The following COL4A5 variants were observed in gnomAD, a reference collection of about 807,000 sequenced individuals.
The protein encoded by COL4A5 is collagen alpha-5(IV) chain.
A neutral mutation model predicts 130.2 loss-of-function variants in COL4A5; 26 were observed. The observed-to-expected ratio is 0.20, with a 90% CI of 0.15 to 0.28. COL4A5 has a LOEUF of 0.28. Among genes scored for constraint, COL4A5 ranks in the 10% least tolerant of loss-of-function variants. The pLI, the probability that COL4A5 is intolerant of heterozygous loss-of-function variation, is 1.00. For missense variants in COL4A5, 1,131 were observed against 1,344.3 expected (o/e 0.84, Z 2.48); for synonymous variants, 496 against 439.6 (o/e 1.13, Z -1.60).
chrX:108,443,967 TA>T (rs905784179), intron 1 of COL4A5, among the ~76,000 whole-genome samples: 1 of 112,277 alleles, frequency 8.9e-6, no homozygotes, highest in Non-Finnish European at 1.9e-5. Flanking sequence ...TATACTGTAA[TA>T]AAAAACTTTC....
chrX:108,649,876 C>A (rs57954628), intron 36 of COL4A5, among the ~76,000 whole-genome samples: 11,559 of 110,718 alleles, frequency 0.1, 1,308 homozygotes, highest in African/African-American at 0.34. Context: ...AGAGCCCAAA[C>A]ACAAATGCAA....
At chrX:108,531,730 A>G (rs940470370) in intron 1 of COL4A5, among the ~76,000 whole-genome samples, 2 of 111,426 alleles carry the variant, frequency 1.8e-5, no homozygotes, top group Non-Finnish European at 3.8e-5. Flanking sequence ...AAAGACCCAA[A>G]TAAAATCAGA....
chrX:108,672,993 A>G (rs2068234131), intron 42 of COL4A5, among the ~76,000 whole-genome samples: 1 of 112,402 alleles, frequency 8.9e-6, no homozygotes, highest in Non-Finnish European at 1.9e-5. Flanking sequence ...ATTTCAAAGT[A>G]TCAAATGCTT....
At chrX:108,467,052 TC>T (rs1019523130) in intron 1 of COL4A5, among the ~76,000 whole-genome samples, 1 of 112,268 alleles carries the variant, frequency 8.9e-6, no homozygotes, top group Non-Finnish European at 1.9e-5. Flanking sequence ...TTGTTTTTTT[TC>T]CTTTCTTGCT....
chrX:108,503,207 C>T (rs982142683), intron 1 of COL4A5, among the ~76,000 whole-genome samples: 9 of 111,675 alleles, frequency 8.1e-5, no homozygotes, highest in East Asian at 2.8e-4. Context: ...AATGGGTACT[C>T]GTCTTTCTTT....
At chrX:108,640,171 A>G (rs2067434288) in intron 36 of COL4A5, among the ~76,000 whole-genome samples, 1 of 112,394 alleles carries the variant, frequency 8.9e-6, no homozygotes, top group African/African-American at 3.2e-5. Context: ...GTGTAATAAA[A>G]TGTGGTATGC....
chrX:108,615,068 T>C, intron 30 of COL4A5, 44 bp downstream of exon 30: 3 of 917,067 alleles, frequency 3.3e-6, no homozygotes, highest in Non-Finnish European at 4.8e-6. Context: ...TCATAATATA[T>C]ACATTTGTTA....
intron 1 of COL4A5, among the ~76,000 whole-genome samples, chrX:108,521,760 G>C (rs965915864): frequency 8.9e-6 from 1 of 111,861 alleles, no homozygotes; most frequent in African/African-American, 3.2e-5. Context: ...GTTCTTGACA[G>C]AATGGTCTTC....
At chrX:108,637,593 A>G (rs73528381) in intron 36 of COL4A5, among the ~76,000 whole-genome samples, 11,577 of 111,429 alleles carry the variant, frequency 0.1, 1,298 homozygotes, top group African/African-American at 0.34. Context: ...CTAAAATCAG[A>G]AATAAAAGAG....
intron 1 of COL4A5, among the ~76,000 whole-genome samples, chrX:108,452,892 C>G (rs1445603371): frequency 1.8e-5 from 2 of 110,883 alleles, no homozygotes; most frequent in African/African-American, 6.6e-5. Flanking sequence ...GAGGGCATCC[C>G]TGTCTTGTGC....
At chrX:108,481,772 C>T (rs1459222163) in intron 1 of COL4A5, among the ~76,000 whole-genome samples, 1 of 111,699 alleles carries the variant, frequency 9.0e-6, no homozygotes, top group Non-Finnish European at 1.9e-5. Context: ...TTAGATCTGA[C>T]ATACAGAGAT....
intron 1 of COL4A5, among the ~76,000 whole-genome samples, chrX:108,449,414 C>G (rs765075619): frequency 2.9e-4 from 33 of 111,916 alleles, no homozygotes; most frequent in Non-Finnish European, 5.5e-4. Context: ...AAGTTGTTGA[C>G]TGTTCATAGG....
Position 108,677,596 on chromosome X carries a change from C to G in COL4A5, c.3905C>G (p.Pro1302Arg). The G allele has an allele frequency of 9.1e-6, 11 of 1,210,940 alleles. No individual in the cohort carries two copies. Among genetic ancestry groups the G allele is most frequent in the Non-Finnish European group, 1.2e-5 (11 of 894,970 alleles). Residue 1302 changes from proline to arginine, a missense_variant, in exon 44 of 53, where the codon CCT becomes CGT. Physicochemically the swap from Pro to Arg is moderately radical, Grantham distance 103. Transcript: ENST00000328300. ...GGCCAACCTGGGCTACCTGGCTTGCCTGGTTTGAAAGGAGATCAAGGACCA... is the reference window on the plus strand; with the variant it reads ...GGCCAACCTGGGCTACCTGGCTTGCGTGGTTTGAAAGGAGATCAAGGACCA... ...NPGQPGLPGLPGLKGDQGPPG... is the reference protein window; with the variant it reads ...NPGQPGLPGLRGLKGDQGPPG...
At chrX:108,591,362 T>G in intron 20 of COL4A5, 131 bp downstream of exon 20, 1 of 712,113 alleles carries the variant, frequency 1.4e-6, no homozygotes, top group Non-Finnish European at 2.1e-6. Flanking sequence ...CTGCTTCTGC[T>G]TTTTGGGTTT....
intron 1 of COL4A5, among the ~76,000 whole-genome samples, chrX:108,499,092 T>G (rs749972917): frequency 1.4e-4 from 16 of 111,657 alleles, no homozygotes; most frequent in Non-Finnish European, 2.1e-4. Context: ...GAGGAAAAAC[T>G]TCAGTATTTC....
chrX:108,547,926 T>C (rs980914595), intron 2 of COL4A5, among the ~76,000 whole-genome samples: 2 of 112,076 alleles, frequency 1.8e-5, no homozygotes, highest in African/African-American at 3.2e-5. Context: ...GGATATAATC[T>C]CCTGGTGTAC....
intron 29 of COL4A5, among the ~76,000 whole-genome samples, 199 bp from the exon 30 acceptor site, chrX:108,614,712 A>AG (rs1318079055): frequency 1.8e-5 from 2 of 112,145 alleles, no homozygotes; most frequent in Non-Finnish European, 3.8e-5. Flanking sequence ...TAAGTATTGA[A>AG]GTAGTGATCA....
intron 45 of COL4A5, 22 bp downstream of exon 45, chrX:108,680,773 G>A: frequency 1.7e-6 from 2 of 1,199,626 alleles, no homozygotes; most frequent in Non-Finnish European, 1.1e-6. Context: ...GATTTTTGTG[G>A]TTTCCCTTTA....
chrX:108,662,210 A>T (rs1348028650), intron 37 of COL4A5, among the ~76,000 whole-genome samples: 3 of 108,560 alleles, frequency 2.8e-5, no homozygotes. Context: ...ATGCAGCCAT[A>T]AAAAATGATG....
Sources: gnomAD v4.1 joint callset for allele counts (sites outside exome capture counted in the v4.1 genomes callset) on GRCh38, gnomAD v4.1.1 for gene constraint, MANE v1.5 for transcripts, NCBI Gene and HGNC (gene_info 2026-07-23, HGNC 2026-07-21) for gene names.